The following TRIM24 variants were observed in gnomAD, a reference collection of about 807,000 sequenced individuals.
TRIM24 encodes the protein transcription intermediary factor 1-alpha.
A neutral mutation model predicts 123.9 loss-of-function variants in TRIM24; 29 were observed. That is an observed-to-expected ratio of 0.23 (90% CI 0.17 to 0.32). TRIM24 has a LOEUF of 0.32. Among genes scored for constraint, TRIM24 ranks in the 10% least tolerant of loss-of-function variants. The pLI is 1.00. For synonymous variants in TRIM24, 456 were observed against 461.1 expected (o/e 0.99, Z 0.14); for missense variants, 932 against 1,295.3 (o/e 0.72, Z 4.31).
chr7:138,578,563 T>TGTGTGCACGC (rs145011901), intron 14 of TRIM24, among the ~76,000 whole-genome samples: 1 of 144,990 alleles, frequency 6.9e-6, no homozygotes, highest in Non-Finnish European at 1.5e-5. Flanking sequence ...TGTGTGTGTG[T>TGTGTGCACGC]GCGCGCACGC....
chr7:138,577,759 A>C (rs948977156), intron 14 of TRIM24, among the ~76,000 whole-genome samples, 171 bp downstream of exon 14: 4 of 152,182 alleles, frequency 2.6e-5, no homozygotes, highest in African/African-American at 9.7e-5. Context: ...AAAAACAGGA[A>C]AGTTTTTAAA....
intron 4 of TRIM24, among the ~76,000 whole-genome samples, chr7:138,520,173 T>C (rs1330371682): frequency 2.6e-5 from 4 of 152,220 alleles, no homozygotes; most frequent in Non-Finnish European, 4.4e-5. Flanking sequence ...TTTGATAGGC[T>C]CACAGGGCTG....
intron 1 of TRIM24, among the ~76,000 whole-genome samples, chr7:138,466,254 C>G (rs999194893): frequency 6.6e-6 from 1 of 152,258 alleles, no homozygotes; most frequent in Non-Finnish European, 1.5e-5. Flanking sequence ...CTCGGCCTCC[C>G]GAAGTGCTGG....
chr7:138,583,267 T>G (rs1797939450), intron 17 of TRIM24, among the ~76,000 whole-genome samples: 1 of 152,188 alleles, frequency 6.6e-6, no homozygotes, highest in Non-Finnish European at 1.5e-5. Flanking sequence ...TTTTGTTTAA[T>G]AATGAAGAAA....
chr7:138,521,793 G>A (rs930581041), intron 4 of TRIM24, among the ~76,000 whole-genome samples: 13 of 152,160 alleles, frequency 8.5e-5, no homozygotes, highest in African/African-American at 3.1e-4. Flanking sequence ...AGATGGTATA[G>A]TAGACAAAAT....
At chr7:138,523,849 A>G (rs571266425) in intron 4 of TRIM24, among the ~76,000 whole-genome samples, 24 of 152,276 alleles carry the variant, frequency 1.6e-4, no homozygotes, top group Non-Finnish European at 2.2e-4. Context: ...AAGCCAGCAT[A>G]ACCTTTACAC....
chr7:138,491,689 G>A (rs1183010401), intron 1 of TRIM24, among the ~76,000 whole-genome samples: 3 of 152,142 alleles, frequency 2.0e-5, no homozygotes, highest in Non-Finnish European at 4.4e-5. Context: ...TTCTTTTTGG[G>A]TGTATAGGAG....
At chr7:138,512,901 C>G (rs769841071) in intron 2 of TRIM24, among the ~76,000 whole-genome samples, 2 of 152,198 alleles carry the variant, frequency 1.3e-5, no homozygotes, top group Non-Finnish European at 2.9e-5. Context: ...CTTTTATGCT[C>G]TGCTTCCCTT....
rs115110375 is a variant in TRIM24 at position 138,506,294 on chromosome 7, G to A, written c.483+1886G>A. Among the ~76,000 whole-genome samples, 1,259 of 152,264 alleles carry A rather than the reference G, an allele frequency of 8.3e-3. 18 individuals carry two copies. Among genetic ancestry groups the A allele is most frequent in the South Asian group, 0.047 (225 of 4,826 alleles). On this transcript the variant is annotated intron_variant, in intron 2 of 18. Coordinates refer to ENST00000343526, the MANE Select transcript of TRIM24 (RefSeq NM_015905.3). ...AATTGTGAAACCACCCTTAAAGAAA[G>A]AAACATATTTATGTAGGCTACAGTG...
In TRIM24 at chr7:138,460,792, C is replaced by T. The variant is rs759811652; in HGVS notation, c.244C>T (p.Leu82=). The change falls in exon 1 of 19, where the codon CTG becomes TTG. Residue 82 remains leucine, a synonymous_variant. Transcript: ENST00000343526. ...CCTGCACTCTTTCTGCCAGCGCTGC[C>T]TGCCCGCGCCCCAGCGCTACCTCAT... ...PCLHSFCQRC[L]PAPQRYLMLP... is the part of the protein sequence containing the mutation. The T allele has an allele frequency of 5.1e-5, 81 of 1,583,404 alleles. No individual in the cohort carries two copies. The highest frequency in any genetic ancestry group is 6.4e-5 in the Non-Finnish European group (75 of 1,168,164).
intron 9 of TRIM24, among the ~76,000 whole-genome samples, chr7:138,557,433 A>G (rs1797337419): frequency 6.6e-6 from 1 of 152,196 alleles, no homozygotes. Flanking sequence ...TTGCCTGGTT[A>G]CAAGAGTCTC....
chr7:138,501,887 C>CAAAAAAAA (rs561303066), intron 1 of TRIM24, among the ~76,000 whole-genome samples: 1 of 136,522 alleles, frequency 7.3e-6, no homozygotes, highest in African/African-American at 2.8e-5. Flanking sequence ...GACTCCGTCT[C>CAAAAAAAA]AAAAAAAAAA....
chr7:138,542,582 C>T (rs747912882), intron 7 of TRIM24, among the ~76,000 whole-genome samples: 17 of 152,170 alleles, frequency 1.1e-4, no homozygotes, highest in South Asian at 4.1e-4. Context: ...TGCTGATTTT[C>T]TCAATGTGGT....
chr7:138,537,588 A>G (rs974111788), intron 6 of TRIM24, among the ~76,000 whole-genome samples: 1 of 151,846 alleles, frequency 6.6e-6, no homozygotes, highest in African/African-American at 2.4e-5. Flanking sequence ...CAAAGTAAAC[A>G]ATTTCTATTC....
chr7:138,541,993 A>G (rs1215573670), intron 7 of TRIM24, among the ~76,000 whole-genome samples: 1 of 152,216 alleles, frequency 6.6e-6, no homozygotes, highest in Non-Finnish European at 1.5e-5. Context: ...TCATTGAATT[A>G]AAAAGAGTTT....
At chr7:138,579,806 C>T (rs1303964785) in intron 15 of TRIM24, among the ~76,000 whole-genome samples, 2 of 152,080 alleles carry the variant, frequency 1.3e-5, no homozygotes, top group Non-Finnish European at 2.9e-5. Flanking sequence ...GCCTGTAGTC[C>T]CAGCTACTCA....
Position 138,571,338 on chromosome 7 carries a change from G to C in TRIM24, c.1878+335G>C, listed in dbSNP as rs1797652130. 2.0e-5 allele frequency among the ~76,000 whole-genome samples: 3 copies of C among 152,140 alleles called. No homozygotes were observed. The South Asian group carries it at 6.2e-4, about 32-fold the overall frequency. On this transcript the variant is annotated intron_variant, in intron 11 of 18. Coordinates refer to ENST00000343526, the MANE Select transcript of TRIM24 (RefSeq NM_015905.3). ...TTAGTGAATTTGGATCTGGTAGAAG[G>C]CATGAATTTGTTGGATTATAGGTTG...
At chr7:138,506,041 A>T (rs950574508) in intron 2 of TRIM24, among the ~76,000 whole-genome samples, 5 of 152,084 alleles carry the variant, frequency 3.3e-5, no homozygotes, top group Non-Finnish European at 7.4e-5. Flanking sequence ...GTTTTTCAGG[A>T]CTCTAGTAAT....
chr7:138,507,006 G>T (rs1563037911), intron 2 of TRIM24, among the ~76,000 whole-genome samples: 1 of 152,050 alleles, frequency 6.6e-6, no homozygotes, highest in Non-Finnish European at 1.5e-5. Flanking sequence ...CCTGGATGGT[G>T]CCTTTCACAG....
Sources: allele counts gnomAD v4.1 joint callset (sites outside exome capture counted in the v4.1 genomes callset), GRCh38; gene constraint gnomAD v4.1.1; transcripts MANE v1.5; gene names NCBI Gene and HGNC (gene_info 2026-07-23, HGNC 2026-07-21).